The following PHF10 variants were observed in gnomAD, a reference collection of about 807,000 sequenced individuals.
PHF10 encodes BRG1-associated factor 45a.
Under a neutral mutation model 68.5 loss-of-function variants are expected in PHF10, and 51 were observed. That is an observed-to-expected ratio of 0.74 (90% CI 0.59 to 0.94). PHF10 has a LOEUF of 0.94. Among genes scored for constraint, PHF10 ranks in the 40% least tolerant of loss-of-function variants. The pLI, the probability that PHF10 is intolerant of heterozygous loss-of-function variation, is 0.00. For missense variants in PHF10, 460 were observed against 602.6 expected (o/e 0.76, Z 2.48); for synonymous variants, 204 against 203.5 (o/e 1.00, Z -0.02).
intron 1 of PHF10, among the ~76,000 whole-genome samples, 176 bp downstream of exon 1, chr6:169,723,669 G>A (rs1009344329): frequency 1.3e-5 from 2 of 151,708 alleles, no homozygotes; most frequent in Non-Finnish European, 2.9e-5. Flanking sequence ...GCTCGCTAGA[G>A]GCCGCGGGCT....
rs1412345350 is a variant in PHF10 at position 169,724,389 on chromosome 6, C to A, written c.-458G>T. On this transcript the variant is annotated 5_prime_UTR_variant, in exon 1 of 12. Coordinates refer to ENST00000339209, the MANE Select transcript of PHF10 (RefSeq NM_018288.4). The stretch of plus-strand genomic sequence containing the variant: ...CGCCTCAGCCCCGCGGCCGCCTCAG[C>A]CCCGCCGCTCGCCTCAGCCCCGCCG... Among the ~76,000 whole-genome samples, 1 of 140,484 alleles carries A rather than the reference C, an allele frequency of 7.1e-6. No individual in the cohort carries two copies. Among genetic ancestry groups the A allele is most frequent in the African/African-American group, 2.6e-5 (1 of 38,342 alleles). The allele number at this position is 140,484 out of a possible 152,430, so 92.2% of individuals were successfully genotyped here.
intron 7 of PHF10, among the ~76,000 whole-genome samples, chr6:169,713,084 C>G (rs1788962600): frequency 6.6e-6 from 1 of 152,088 alleles, no homozygotes; most frequent in African/African-American, 2.4e-5. Flanking sequence ...TGTATTCTAA[C>G]AAATTTAATC....
At chr6:169,704,931 C>G (rs1284616271) in intron 11 of PHF10, 2 of 422,528 alleles carry the variant, frequency 4.7e-6, no homozygotes, top group Non-Finnish European at 8.6e-6. Context: ...CAGGGGCATT[C>G]TGGCCTTTCA....
At chr6:169,710,746 A>G (rs1788910142) in intron 8 of PHF10, among the ~76,000 whole-genome samples, 2 of 152,206 alleles carry the variant, frequency 1.3e-5, no homozygotes, top group African/African-American at 4.8e-5. Context: ...GTTTCATACA[A>G]AAATATATTG....
At chr6:169,722,021 G>T (rs1179140708) in intron 1 of PHF10, among the ~76,000 whole-genome samples, 1 of 152,174 alleles carries the variant, frequency 6.6e-6, no homozygotes, top group African/African-American at 2.4e-5. Flanking sequence ...AGCTGAGTAG[G>T]TTATTCTCTG....
intron 4 of PHF10, among the ~76,000 whole-genome samples, chr6:169,716,721 T>C (rs1004745374): frequency 6.6e-6 from 1 of 152,166 alleles, no homozygotes; most frequent in South Asian, 2.1e-4. Context: ...CCTTTTTGCA[T>C]TTTAGAGATG....
chr6:169,709,572 T>C (rs1419977102), intron 9 of PHF10: 1 of 152,206 alleles, frequency 6.6e-6, no homozygotes, highest in Non-Finnish European at 1.5e-5. Flanking sequence ...AATATAATAA[T>C]AGTTGCTGAC....
intron 9 of PHF10, chr6:169,707,812 A>T (rs1788838782): frequency 6.6e-6 from 1 of 152,216 alleles, no homozygotes; most frequent in Non-Finnish European, 1.5e-5. Flanking sequence ...AACAGCCTTC[A>T]TCTTGATGAA....
rs1359647450 is a variant in PHF10, at chr6:169,714,820, T to C, written c.716A>G (p.Lys239Arg). Residue 239 changes from lysine (K) to arginine (R), a missense_variant, in exon 7 of 12, where the codon AAG (lysine) becomes AGG (arginine). Lys to Arg is a conservative substitution (Grantham distance 26, BLOSUM62 2). Transcript: ENST00000339209. ...QTHVIQVPQG[K>R]YKVLPTERTK... Reference sequence around the variant, plus strand: ...TCGCTCTGTTGGCAAAACTTTGTACTTCCCTTGAGGTACCTGGATAACCTA... The same window carrying C: ...TCGCTCTGTTGGCAAAACTTTGTACCTCCCTTGAGGTACCTGGATAACCTA... 1 of 1,581,732 alleles carries C rather than the reference T, an allele frequency of 6.3e-7. No homozygotes were observed. Among genetic ancestry groups the C allele is most frequent in the Non-Finnish European group, 8.7e-7 (1 of 1,150,506 alleles).
intron 4 of PHF10, among the ~76,000 whole-genome samples, chr6:169,716,882 A>G (rs946392887): frequency 6.6e-6 from 1 of 152,164 alleles, no homozygotes; most frequent in African/African-American, 2.4e-5. Context: ...TGCACTTAGC[A>G]AAGAACCTGC....
At chr6:169,718,666 T>C in intron 3 of PHF10, 122 bp downstream of exon 3, 1 of 629,648 alleles carries the variant, frequency 1.6e-6, no homozygotes, top group Non-Finnish European at 2.7e-6. Context: ...AGACCCTTAG[T>C]CTTAAAAAAA....
chr6:169,715,880 G>C, intron 5 of PHF10, 23 bp from the exon 6 acceptor site: 1 of 1,603,502 alleles, frequency 6.2e-7, no homozygotes, highest in Non-Finnish European at 8.5e-7. Flanking sequence ...AATACAGTTG[G>C]AAGTCACATA....
At chr6:169,714,887 A>T (rs780692130) in intron 6 of PHF10, 45 bp from the exon 7 acceptor site, 1 of 1,006,110 alleles carries the variant, frequency 9.9e-7, no homozygotes, top group African/African-American at 1.6e-5. Flanking sequence ...CCATGCTAAG[A>T]ATCAAGGCTT....
In PHF10 at chr6:169,715,616, G is replaced by T. The variant is rs1163877189; in HGVS notation, c.693+92C>A. On this transcript the variant is annotated intron_variant, in intron 6 of 11. Coordinates refer to ENST00000339209, the MANE Select transcript of PHF10 (RefSeq NM_018288.4). ...CAAAAAAAACACACACACATAGGTG[G>T]TACAAAAAATAACGATAAAGGGGGT... is the stretch of plus-strand genomic sequence containing the variant. 11 of 1,063,972 alleles carry T rather than the reference G, an allele frequency of 1.0e-5. No homozygotes were observed. In the East Asian group the frequency reaches 2.4e-4, roughly 23 times the overall value. The allele number at this position is 1,063,972 out of a possible 1,614,324, so 65.9% of individuals were successfully genotyped here.
rs527866846 is a variant in PHF10, at chr6:169,721,481, G to A, written c.88-370C>T. 3.3e-5 allele frequency among the ~76,000 whole-genome samples: 5 copies of A among 152,296 alleles called. No homozygotes were observed. The East Asian group carries it at 9.6e-4, about 29-fold the overall frequency. ...CAATTCAACTTGAAGCCGGTTCATA[G>A]GACTATTTTAATTGACTACTTTAGG... On this transcript the variant is annotated intron_variant, in intron 1 of 11. Transcript: ENST00000339209.
chr6:169,716,601 C>T (rs1415692394), intron 4 of PHF10, among the ~76,000 whole-genome samples: 1 of 151,750 alleles, frequency 6.6e-6, no homozygotes, highest in Non-Finnish European at 1.5e-5. Context: ...AAATGCATTC[C>T]CAAGAATTTA....
intron 2 of PHF10, chr6:169,719,180 G>C: frequency 3.6e-6 from 1 of 279,836 alleles, no homozygotes; most frequent in South Asian, 4.7e-5. Flanking sequence ...AAGAACGAAG[G>C]CATTTTTAGT....
At chr6:169,707,220 C>G (rs996135454) in intron 9 of PHF10, 2 of 152,182 alleles carry the variant, frequency 1.3e-5, no homozygotes, top group African/African-American at 4.8e-5. Flanking sequence ...CTCCCCCCAA[C>G]AAAAGGATAG....
In PHF10 at chr6:169,710,237, T is replaced by G. The variant is rs758209211; in HGVS notation, c.1112A>C (p.Lys371Thr). The G allele has an allele frequency of 6.2e-7, 1 of 1,606,892 alleles. No individual in the cohort carries two copies. Residue 371 changes from lysine to threonine, a missense_variant and splice_region_variant, in exon 9 of 12, where the codon AAG becomes ACG. Lys to Thr is a moderately conservative substitution (Grantham distance 78). Around this residue, in one of 3 missense-constraint regions of PHF10, gnomAD observed 256 missense variants for 410.5 expected, o/e 0.62. Transcript: ENST00000339209. The part of the protein sequence containing the change: ...SVLSKSVPGY[K>T]PKVIPNAICG... ...GAGTCAGGGGCTTTTTTCTTCTACCTTGTACCCAGGAACTGACTTGGACAG... is the reference window on the plus strand; with the variant it reads ...GAGTCAGGGGCTTTTTTCTTCTACCGTGTACCCAGGAACTGACTTGGACAG...
Sources: allele counts gnomAD v4.1 joint callset (sites outside exome capture counted in the v4.1 genomes callset), GRCh38; gene constraint gnomAD v4.1.1; regional missense constraint gnomAD v4.1.1; transcripts MANE v1.5; gene names NCBI Gene and HGNC (gene_info 2026-07-23, HGNC 2026-07-21).